Variants in RBFOX3 observed in about 807,000 individuals in gnomAD.
RBFOX3 encodes the protein RNA binding protein fox-1 homolog 3.
A neutral mutation model predicts 48.7 loss-of-function variants in RBFOX3; 17 were observed. The ratio of observed to expected loss-of-function variants is 0.35; its 90% CI spans 0.24 to 0.52. RBFOX3 has a LOEUF of 0.52. Ranked by LOEUF, RBFOX3 falls within the 20% of genes least tolerant of loss-of-function variation. RBFOX3 has a pLI of 0.94. For synonymous variants in RBFOX3, 212 were observed against 209.5 expected (o/e 1.01, Z -0.10); for missense variants, 382 against 497.5 (o/e 0.77, Z 2.21).
intron 8 of RBFOX3, among the ~76,000 whole-genome samples, chr17:79,101,993 A>C (rs940495992): frequency 6.6e-6 from 1 of 152,022 alleles, no homozygotes; most frequent in East Asian, 1.9e-4. Flanking sequence ...AAGAGGCTGG[A>C]CTCCAGGATG....
At position 79,391,950 on chromosome 17, in the gene RBFOX3, C is replaced by T. The variant is rs1042025835; in HGVS notation, c.-174-84126G>A. 6.6e-6 allele frequency among the ~76,000 whole-genome samples: 1 copy of T among 152,160 alleles called. No homozygotes were observed. Among genetic ancestry groups the T allele is most frequent in the Non-Finnish European group, 1.5e-5 (1 of 68,044 alleles). ...AGGTCGCGGGTTTGCTGAGAAGGCA[C>T]GTGCTCCCCCTGGTGGAAGGAAACT... On this transcript the variant is annotated intron_variant, in intron 2 of 14. Coordinates refer to ENST00000693108, the MANE Select transcript of RBFOX3 (RefSeq NM_001350451.2). This position sits in a 1 kb window ranked among gnomAD's most constrained non-coding sequence, Gnocchi z 5.0.
At chr17:79,609,373 C>A (rs1568452756) in intron 1 of RBFOX3, among the ~76,000 whole-genome samples, 1 of 152,144 alleles carries the variant, frequency 6.6e-6, no homozygotes, top group East Asian at 1.9e-4. Flanking sequence ...AAATTAGCAA[C>A]CTGCGCGCCC....
In RBFOX3 at chr17:79,364,518, G is replaced by A. The variant is rs569537969; in HGVS notation, c.-174-56694C>T. Among the ~76,000 whole-genome samples the A allele has an allele frequency of 3.0e-4, 46 of 152,354 alleles. No homozygotes were observed. The highest frequency in any genetic ancestry group is 1.0e-3 in the South Asian group (5 of 4,824). On this transcript the variant is annotated intron_variant, in intron 2 of 14. Coordinates refer to ENST00000693108, the MANE Select transcript of RBFOX3 (RefSeq NM_001350451.2). The surrounding 1 kb of genome is among the most constrained non-coding windows in gnomAD (Gnocchi z 5.1). ...TCCCAGGCATCTGATGGGTCAGTGC[G>A]CAGTTAATGAGTGTGTTGACTGCAC...
At chr17:79,602,524 G>T (rs1405932698) in intron 1 of RBFOX3, among the ~76,000 whole-genome samples, 2 of 152,170 alleles carry the variant, frequency 1.3e-5, no homozygotes, top group Non-Finnish European at 2.9e-5. Flanking sequence ...CCCGTCCCAG[G>T]TCTATAAGGA....
intron 2 of RBFOX3, among the ~76,000 whole-genome samples, chr17:79,462,684 T>C (rs1342891785): frequency 1.3e-5 from 2 of 152,152 alleles, no homozygotes; most frequent in Non-Finnish European, 2.9e-5. Flanking sequence ...GAAGTCCTGA[T>C]ATAAAGTAAA....
At chr17:79,656,699 AGGAAGGAAG>A in the RBFOX3 span, among the ~76,000 whole-genome samples, 1,299 of 117,306 alleles carry the variant, frequency 0.011, 20 homozygotes, top group Non-Finnish European at 0.014. Flanking sequence ...GAAGGAAGGA[AGGAAGGAAG>A]GAGAGAGAGA....
intron 2 of RBFOX3, among the ~76,000 whole-genome samples, chr17:79,438,924 C>G (rs1186186963): frequency 3.3e-5 from 5 of 152,232 alleles, no homozygotes; most frequent in African/African-American, 1.2e-4. Context: ...ATATTTTGGT[C>G]TGTCCATACA....
intron 2 of RBFOX3, among the ~76,000 whole-genome samples, chr17:79,449,668 G>A (rs1251636007): frequency 6.0e-5 from 5 of 83,860 alleles, no homozygotes; most frequent in East Asian, 5.1e-4. Flanking sequence ...CTGGCCACCC[G>A]TAGACCCAAT....
At chr17:79,260,680 G>T (rs886983914) in intron 3 of RBFOX3, among the ~76,000 whole-genome samples, 2 of 152,192 alleles carry the variant, frequency 1.3e-5, no homozygotes, top group Non-Finnish European at 2.9e-5. Flanking sequence ...CCAAGCTGCA[G>T]CCAGCTTGCC....
At chr17:79,210,211 C>T (rs1292856309) in intron 4 of RBFOX3, among the ~76,000 whole-genome samples, 1 of 152,130 alleles carries the variant, frequency 6.6e-6, no homozygotes, top group Non-Finnish European at 1.5e-5. Context: ...TGGGCAGGTG[C>T]CTGGTCAAGG....
intron 1 of RBFOX3, among the ~76,000 whole-genome samples, chr17:79,581,315 C>T (rs1022429932): frequency 1.4e-3 from 213 of 152,298 alleles, no homozygotes; most frequent in African/African-American, 4.9e-3. Flanking sequence ...TAGGTTGTCA[C>T]GGAAGCCTCC....
chr17:79,117,346 G>GGGA (rs2034344465), intron 4 of RBFOX3, among the ~76,000 whole-genome samples: 1 of 152,204 alleles, frequency 6.6e-6, no homozygotes, highest in African/African-American at 2.4e-5. Context: ...CTTTGCGGTG[G>GGGA]GGAGGAGGAG....
Position 79,131,059 on chromosome 17 carries a change from G to A in RBFOX3, c.-33-15311C>T, listed in dbSNP as rs186523109. Among the ~76,000 whole-genome samples, 190 of 151,454 alleles carry A rather than the reference G, an allele frequency of 1.3e-3. 1 individual carries two copies. The highest frequency in any genetic ancestry group is 4.1e-3 in the Admixed American group (63 of 15,230). ...GTGCCCCCATGTACTTGTGTGTACC[G>A]TGAGCCATGTGCTGCGTGTCCCGTG... On this transcript the variant is annotated intron_variant, in intron 4 of 14. Coordinates refer to ENST00000693108, the MANE Select transcript of RBFOX3 (RefSeq NM_001350451.2).
chr17:79,450,107 C>T lies in RBFOX3; in HGVS notation c.-175+32347G>A, dbSNP rs909046647. Among the ~76,000 whole-genome samples, 8 of 152,290 alleles carry T rather than the reference C, an allele frequency of 5.3e-5. No individual in the cohort carries two copies. The East Asian group carries it at 9.7e-4, about 18-fold the overall frequency. On this transcript the variant is annotated intron_variant, in intron 2 of 14. Transcript: ENST00000693108. ...TGACATACACACACACACATGCACA[C>T]GCATGATGAAACAGAAGCCATGTGT...
At chr17:79,637,491 C>T in the RBFOX3 span, among the ~76,000 whole-genome samples, 4 of 151,710 alleles carry the variant, frequency 2.6e-5, no homozygotes, top group Non-Finnish European at 5.9e-5. Flanking sequence ...GTCAGGAGTT[C>T]GAGACCAGCC....
intron 4 of RBFOX3, among the ~76,000 whole-genome samples, chr17:79,176,755 GA>G (rs943807041): frequency 3.4e-4 from 50 of 146,612 alleles, no homozygotes; most frequent in African/African-American, 1.1e-3. Flanking sequence ...GAGAAGCAGA[GA>G]AAAAAAAAAT....
At chr17:79,546,499 G>A (rs1430452765) in intron 1 of RBFOX3, among the ~76,000 whole-genome samples, 2 of 151,954 alleles carry the variant, frequency 1.3e-5, no homozygotes, top group Non-Finnish European at 2.9e-5. Flanking sequence ...TCGATGGCTT[G>A]TCTGTAGCCC....
At chr17:79,512,517 C>A (rs1468670969) in intron 1 of RBFOX3, among the ~76,000 whole-genome samples, 3 of 124,172 alleles carry the variant, frequency 2.4e-5, no homozygotes, top group Non-Finnish European at 3.4e-5. Flanking sequence ...CAGGGGACAC[C>A]CACCCAGATA....
At chr17:79,444,091 G>A (rs1381040062) in intron 2 of RBFOX3, among the ~76,000 whole-genome samples, 3 of 152,178 alleles carry the variant, frequency 2.0e-5, no homozygotes, top group Admixed American at 6.5e-5. Context: ...CTACATGGAG[G>A]TCAGTGAATC....
Sources: allele counts gnomAD v4.1 joint callset (sites outside exome capture counted in the v4.1 genomes callset), GRCh38; gene constraint gnomAD v4.1.1; non-coding constraint Gnocchi (gnomAD v3.1); transcripts MANE v1.5; gene names NCBI Gene and HGNC (gene_info 2026-07-23, HGNC 2026-07-21).